TICAM1: variants seen among roughly 807,000 people sequenced by gnomAD.
TICAM1 encodes the protein TIR domain containing adaptor molecule 1.
For missense variants in TICAM1, 895 were observed against 938.2 expected (o/e 0.95, Z 0.60); for synonymous variants, 439 against 415.4 (o/e 1.06, Z -0.69).
chr19:4,819,894 C>T (rs1037388986), intron 1 of TICAM1, among the ~76,000 whole-genome samples: 3 of 139,030 alleles, frequency 2.2e-5, no homozygotes, highest in African/African-American at 7.8e-5. Context: ...AATAAATAGT[C>T]AGCCTTCTAG....
rs1384791331 is a variant in TICAM1, at chr19:4,817,838, G to T, written c.540C>A (p.Arg180=). 6.2e-7 allele frequency: 1 copy of T among 1,610,548 alleles called. No individual in the cohort carries two copies. The highest frequency in any genetic ancestry group is 8.5e-7 in the Non-Finnish European group (1 of 1,178,934). Residue 180 remains arginine (R), a synonymous_variant, in exon 2 of 2, where the codon CGC becomes CGA. Transcript: ENST00000248244. This position sits in a 1 kb window ranked among gnomAD's most constrained non-coding sequence, Gnocchi z 4.7. Reference sequence around the variant, plus strand: ...TCCAGTCCGAAACACCGTCAATGGGGCGTGGGAGGCTCCTGGTCCCAGAGG... The same window carrying T: ...TCCAGTCCGAAACACCGTCAATGGGTCGTGGGAGGCTCCTGGTCCCAGAGG... ...ALPSGTRSLP[R]PIDGVSDWSQ...
chr19:4,828,770 T>C lies in TICAM1; in HGVS notation c.-140+2844A>G, dbSNP rs1419016242. ...CAGGCTGGAGTGCAGTGGCGCGATCTCGGCTCACTGCAACCTCCACCTCCT... is the reference window on the plus strand; with the variant it reads ...CAGGCTGGAGTGCAGTGGCGCGATCCCGGCTCACTGCAACCTCCACCTCCT... On this transcript the variant is annotated intron_variant, in intron 1 of 1. Coordinates refer to ENST00000248244, the MANE Select transcript of TICAM1 (RefSeq NM_182919.4). 2.0e-5 allele frequency among the ~76,000 whole-genome samples: 3 copies of C among 149,872 alleles called. No individual in the cohort carries two copies. The East Asian group carries it at 5.9e-4, about 30-fold the overall frequency.
At chr19:4,823,527 C>A (rs1470557539) in intron 1 of TICAM1, among the ~76,000 whole-genome samples, 2 of 149,922 alleles carry the variant, frequency 1.3e-5, no homozygotes, top group Non-Finnish European at 3.0e-5. Context: ...CCCAGCTACT[C>A]AGGAGGCTGA....
At chr19:4,828,088 T>C (rs2093608535) in intron 1 of TICAM1, among the ~76,000 whole-genome samples, 1 of 152,116 alleles carries the variant, frequency 6.6e-6, no homozygotes, top group African/African-American at 2.4e-5. Flanking sequence ...TCATTGAGTT[T>C]AACACTTAGA....
intron 1 of TICAM1, among the ~76,000 whole-genome samples, chr19:4,822,432 G>C (rs987403824): frequency 3.9e-5 from 6 of 151,922 alleles, no homozygotes; most frequent in African/African-American, 9.7e-5. Flanking sequence ...TTATAGAGAC[G>C]GGGTTTCACC....
At chr19:4,824,286 G>T (rs923843107) in intron 1 of TICAM1, among the ~76,000 whole-genome samples, 2 of 151,580 alleles carry the variant, frequency 1.3e-5, no homozygotes, top group Admixed American at 6.6e-5. Context: ...TGGGATTACA[G>T]GTATGAGCCA....
chr19:4,829,435 G>T (rs1045322510), intron 1 of TICAM1, among the ~76,000 whole-genome samples: 24 of 120,308 alleles, frequency 2.0e-4, no homozygotes, highest in Admixed American at 1.4e-3. Flanking sequence ...CCACCTTCTC[G>T]AGACCCAGCA....
At position 4,817,406 on chromosome 19, in the gene TICAM1, GTT is replaced by G. The variant is rs1568365269; in HGVS notation, c.970_971del (p.Asn324ProfsTer72). The G allele has an allele frequency of 6.2e-7, 1 of 1,614,058 alleles. No individual in the cohort carries two copies. On this transcript the variant is annotated frameshift_variant, in exon 2 of 2. Transcript: ENST00000248244. LOFTEE classifies it low-confidence loss of function (END_TRUNC). The surrounding 1 kb of genome is among the most constrained non-coding windows in gnomAD (Gnocchi z 4.7). ...LPLPILEPVK[N>X]PCSVKDQTPL... ...GCGTCTGGTCTTTGACAGAGCAGGG[GTT>G]TTTGACCGGCTCCAGAATAGGCAAG...
chr19:4,817,452 G>A lies in TICAM1; in HGVS notation c.926C>T (p.Ala309Val), dbSNP rs762032500. ...AGGCAAGGGGAGAGACTGGGGGCCT[G>A]CAGACCCCTCGGTGCACTCCACTGG... ...NYPVECTEGS[A>V]GPQSLPLPIL... Residue 309 changes from alanine (A) to valine (V), a missense_variant, in exon 2 of 2, where the codon GCA becomes GTA. Ala to Val is a moderately conservative substitution (Grantham distance 64). Transcript: ENST00000248244. This position sits in a 1 kb window ranked among gnomAD's most constrained non-coding sequence, Gnocchi z 4.7. The A allele has an allele frequency of 8.1e-6, 13 of 1,614,110 alleles. No homozygotes were observed. The Admixed American group carries it at 1.7e-4, about 21-fold the overall frequency.
chr19:4,816,824 C>T lies in TICAM1; in HGVS notation c.1554G>A (p.Gln518=). Residue 518 remains glutamine, a synonymous_variant, in exon 2 of 2, where the codon CAG becomes CAA. Coordinates refer to ENST00000248244, the MANE Select transcript of TICAM1 (RefSeq NM_182919.4). The surrounding 1 kb of genome is among the most constrained non-coding windows in gnomAD (Gnocchi z 4.3). The part of the protein sequence containing the change: ...SGLVRLDEHS[Q]IFARKVANTF... ...TGTTGGCCACCTTCCTGGCGAAGAT[C>T]TGGGAGTGTTCGTCCAGCCGCACCA... The T allele has an allele frequency of 6.2e-7, 1 of 1,612,854 alleles. No homozygotes were observed. The highest frequency in any genetic ancestry group is 8.5e-7 in the Non-Finnish European group (1 of 1,180,024).
chr19:4,823,728 G>A (rs568762881), intron 1 of TICAM1, among the ~76,000 whole-genome samples: 1 of 152,108 alleles, frequency 6.6e-6, no homozygotes, highest in Non-Finnish European at 1.5e-5. Context: ...GAAGGCGGCC[G>A]TCTGCAAGCT....
At chr19:4,822,960 GA>G (rs375192016) in intron 1 of TICAM1, among the ~76,000 whole-genome samples, 3 of 152,294 alleles carry the variant, frequency 2.0e-5, no homozygotes, top group South Asian at 4.1e-4. Context: ...TTTATTTAGA[GA>G]AAAGGCCTTT....
chr19:4,816,447 G>T lies in TICAM1; in HGVS notation c.1931C>A (p.Pro644His), dbSNP rs1195467807. ...TGGAAAGGCTGCTGGCTGTGGGGAG[G>T]GCGGTGGGGGGGTGCCAGCCTGCCA... The part of the protein sequence containing the change: ...HAWQAGTPPP[P>H]SPQPAAFPQS... Residue 644 changes from proline (P) to histidine (H), a missense_variant, in exon 2 of 2, where the codon CCC becomes CAC. Transcript: ENST00000248244. The surrounding 1 kb of genome is among the most constrained non-coding windows in gnomAD (Gnocchi z 4.3). 1 of 1,554,806 alleles carries T rather than the reference G, an allele frequency of 6.4e-7. No homozygotes were observed. The highest frequency in any genetic ancestry group is 2.2e-5 in the East Asian group (1 of 44,472).
intron 1 of TICAM1, among the ~76,000 whole-genome samples, chr19:4,827,311 C>T (rs908784331): frequency 8.5e-6 from 1 of 117,696 alleles, no homozygotes; most frequent in African/African-American, 3.2e-5. Context: ...GCGGAGGTTG[C>T]GGTGAGCTGA....
intron 1 of TICAM1, among the ~76,000 whole-genome samples, chr19:4,823,943 GC>G (rs1335755855): frequency 6.6e-6 from 1 of 152,122 alleles, no homozygotes; most frequent in Non-Finnish European, 1.5e-5. Flanking sequence ...CAGTATGGCA[GC>G]CCCCAGCTAC....
Position 4,818,494 on chromosome 19 carries a change from C to T in TICAM1, c.-117G>A. Reference sequence around the variant, plus strand: ...CCCTACCCATTCACTGTTCCAGGTTCTGCAGGAGCTGCCCAAGCAGATCTG... The same window carrying T: ...CCCTACCCATTCACTGTTCCAGGTTTTGCAGGAGCTGCCCAAGCAGATCTG... On this transcript the variant is annotated 5_prime_UTR_variant, in exon 2 of 2. Transcript: ENST00000248244. The surrounding 1 kb of genome is among the most constrained non-coding windows in gnomAD (Gnocchi z 4.0). The T allele has an allele frequency of 6.9e-7, 1 of 1,439,896 alleles. No homozygotes were observed. Among genetic ancestry groups the T allele is most frequent in the Non-Finnish European group, 9.1e-7 (1 of 1,093,494 alleles). The allele number at this position is 1,439,896 out of a possible 1,614,324, so 89.2% of individuals were successfully genotyped here. A position where few individuals can be genotyped will look rare whatever the true frequency, so the allele number is the denominator to read the frequency against.
At chr19:4,821,936 G>T (rs992266910) in intron 1 of TICAM1, among the ~76,000 whole-genome samples, 1 of 140,248 alleles carries the variant, frequency 7.1e-6, no homozygotes, top group Non-Finnish European at 1.5e-5. Context: ...GAGCCACCCC[G>T]TCCAGCCTTT....
chr19:4,825,833 C>T (rs1466935937), intron 1 of TICAM1, among the ~76,000 whole-genome samples: 1 of 151,982 alleles, frequency 6.6e-6, no homozygotes, highest in East Asian at 1.9e-4. Flanking sequence ...GTGGCAGGTG[C>T]TGGTAATCCC....
Position 4,816,876 on chromosome 19 carries a change from G to C in TICAM1, c.1502C>G (p.Ser501Cys). 1 of 1,612,768 alleles carries C rather than the reference G, an allele frequency of 6.2e-7. No individual in the cohort carries two copies. Among genetic ancestry groups the C allele is most frequent in the Non-Finnish European group, 8.5e-7 (1 of 1,180,026 alleles). ...CCCGGAGAGCAGGCTGGCCGTGTCG[G>C]AGCTGAGCTGGGCCGGGGAGCTCTC... ...PLESSPAQLS[S>C]DTASLLSGLV... The change falls in exon 2 of 2, where the codon TCC (serine) becomes TGC (cysteine). Residue 501 changes from serine to cysteine, a missense_variant. Transcript: ENST00000248244. The surrounding 1 kb of genome is among the most constrained non-coding windows in gnomAD (Gnocchi z 4.3).
Sources: allele counts gnomAD v4.1 joint callset (sites outside exome capture counted in the v4.1 genomes callset), GRCh38; gene constraint gnomAD v4.1.1; non-coding constraint Gnocchi (gnomAD v3.1); transcripts MANE v1.5; gene names NCBI Gene and HGNC (gene_info 2026-07-23, HGNC 2026-07-21).